SLC10A7: variants seen among roughly 807,000 people sequenced by gnomAD.
SLC10A7 encodes solute carrier family 10 member 7, also known as sodium/bile acid cotransporter 7.
A neutral mutation model predicts 43.2 loss-of-function variants in SLC10A7; 29 were observed. The ratio of observed to expected loss-of-function variants is 0.67; its 90% confidence interval spans 0.50 to 0.92. SLC10A7 has a LOEUF of 0.92. Ranked by LOEUF, SLC10A7 falls within the 40% of genes least tolerant of loss-of-function variation. The pLI is 0.00. For synonymous variants in SLC10A7, 152 were observed against 144.8 expected, an observed-to-expected ratio of 1.05 and a Z score of -0.35; for missense variants, 295 against 403.2, an observed-to-expected ratio of 0.73 and a Z score of 2.30.
chr4:146,439,255 T>C (rs1318168569), intron 5 of SLC10A7, among the ~76,000 whole-genome samples: 1 of 152,064 alleles, frequency 6.6e-6, no homozygotes, highest in Non-Finnish European at 1.5e-5. Context: ...AATAATTAGT[T>C]CCTAAAAACA....
intron 4 of SLC10A7, among the ~76,000 whole-genome samples, chr4:146,471,038 T>G (rs564549918): frequency 1.3e-5 from 2 of 152,334 alleles, no homozygotes; most frequent in South Asian, 4.1e-4. Context: ...TGATTACACA[T>G]TGAGTATCCC....
At chr4:146,277,819 C>G (rs1560755540) in intron 10 of SLC10A7, among the ~76,000 whole-genome samples, 1 of 132,708 alleles carries the variant, frequency 7.5e-6, no homozygotes, top group Admixed American at 8.1e-5. Context: ...CTCACTAGAT[C>G]TACTTTAAAT....
chr4:146,427,805 G>A (rs2149862099), intron 5 of SLC10A7, among the ~76,000 whole-genome samples: 1 of 152,274 alleles, frequency 6.6e-6, no homozygotes, highest in Non-Finnish European at 1.5e-5. Context: ...GGTAGCTACT[G>A]ATCAGGTATT....
chr4:146,319,441 G>C (rs1732544139), intron 6 of SLC10A7, among the ~76,000 whole-genome samples: 1 of 151,918 alleles, frequency 6.6e-6, no homozygotes, highest in East Asian at 1.9e-4. Flanking sequence ...TCCTAATCTA[G>C]TACTTCCTAT....
chr4:146,439,429 T>G (rs1730439496), intron 5 of SLC10A7, among the ~76,000 whole-genome samples: 1 of 152,104 alleles, frequency 6.6e-6, no homozygotes, highest in Admixed American at 6.6e-5. Flanking sequence ...TAATCTGAAA[T>G]AAATACCCTT....
intron 5 of SLC10A7, among the ~76,000 whole-genome samples, chr4:146,364,999 GTA>G (rs1380520624): frequency 2.6e-5 from 4 of 152,074 alleles, no homozygotes; most frequent in Non-Finnish European, 5.9e-5. Flanking sequence ...TCATCAGAGA[GTA>G]TCTAGTGAGA....
chr4:146,521,512 T>C, intron 1 of SLC10A7, 106 bp downstream of exon 1: 1 of 910,088 alleles, frequency 1.1e-6, no homozygotes, highest in African/African-American at 1.7e-5. Context: ...CAGTGCCCCC[T>C]GAAATTGGCA....
At chr4:146,285,230 C>T (rs1729813854) in intron 9 of SLC10A7, among the ~76,000 whole-genome samples, 1 of 152,024 alleles carries the variant, frequency 6.6e-6, no homozygotes, top group Non-Finnish European at 1.5e-5. Flanking sequence ...ATAAGTAGAT[C>T]CATTCTTAAG....
intron 6 of SLC10A7, among the ~76,000 whole-genome samples, chr4:146,324,600 T>C (rs1732976329): frequency 6.6e-6 from 1 of 152,182 alleles, no homozygotes. Context: ...TACTAGTCCC[T>C]TGACCTACTG....
intron 5 of SLC10A7, among the ~76,000 whole-genome samples, chr4:146,379,911 C>T (rs1167636312): frequency 2.0e-5 from 3 of 151,650 alleles, no homozygotes; most frequent in African/African-American, 2.4e-5. Flanking sequence ...ATTCATACTA[C>T]ACAAATATCT....
At chr4:146,326,128 A>T in intron 5 of SLC10A7, 132 bp from the exon 6 acceptor site, 1 of 686,250 alleles carries the variant, frequency 1.5e-6, no homozygotes, top group Non-Finnish European at 2.5e-6. Flanking sequence ...GGAGATAAAG[A>T]GGGGAGAGTC....
Position 146,342,031 on chromosome 4 carries a change from G to A in SLC10A7, c.436-16035C>T, listed in dbSNP as rs543410940. ...TGTAATTCCTTACAGAAAAAAAACA[G>A]TATCCACCCATTCCTCTACCCACCT... On this transcript the variant is annotated intron_variant, in intron 5 of 11. Transcript: ENST00000335472. Among the ~76,000 whole-genome samples, 3 of 151,746 alleles carry A rather than the reference G, an allele frequency of 2.0e-5. No homozygotes were observed. In the East Asian group the frequency reaches 5.8e-4, roughly 29 times the overall value.
At chr4:146,403,195 C>T (rs1412105625) in intron 5 of SLC10A7, among the ~76,000 whole-genome samples, 1 of 152,236 alleles carries the variant, frequency 6.6e-6, no homozygotes, top group Non-Finnish European at 1.5e-5. Context: ...GTTAAACTTA[C>T]CCTGCTTGGG....
At chr4:146,333,026 C>T (rs774402687) in intron 5 of SLC10A7, among the ~76,000 whole-genome samples, 1 of 152,146 alleles carries the variant, frequency 6.6e-6, no homozygotes, top group Non-Finnish European at 1.5e-5. Flanking sequence ...TACCATGTAT[C>T]CTATATTACT....
At chr4:146,402,484 C>A (rs1739288742) in intron 5 of SLC10A7, among the ~76,000 whole-genome samples, 3 of 152,154 alleles carry the variant, frequency 2.0e-5, no homozygotes, top group Admixed American at 2.0e-4. Flanking sequence ...TCAGCCCTGA[C>A]CGCCTCCTGG....
At chr4:146,268,415 T>C (rs1053938450) in intron 10 of SLC10A7, among the ~76,000 whole-genome samples, 1 of 152,200 alleles carries the variant, frequency 6.6e-6, no homozygotes, top group Non-Finnish European at 1.5e-5. Flanking sequence ...AGGAACGATC[T>C]TTCCAGTAAT....
At chr4:146,394,958 C>T (rs967039131) in intron 5 of SLC10A7, among the ~76,000 whole-genome samples, 1 of 152,170 alleles carries the variant, frequency 6.6e-6, no homozygotes, top group East Asian at 1.9e-4. Flanking sequence ...ATATTGTTCT[C>T]CAAACAACAT....
rs570684264 is a variant in SLC10A7, at chr4:146,401,017, T to C, written c.435+41766A>G. Among the ~76,000 whole-genome samples, 13 of 152,216 alleles carry C rather than the reference T, an allele frequency of 8.5e-5. No individual in the cohort carries two copies. In the South Asian group the frequency reaches 2.3e-3, roughly 27 times the overall value. ...AAAGTAACAAAGTAAAAAATGAAGA[T>C]ATCAATGAAAGAAAAGAAACTGCAA... On this transcript the variant is annotated intron_variant, in intron 5 of 11. Transcript: ENST00000335472.
At chr4:146,316,734 A>C (rs1191328177) in intron 6 of SLC10A7, among the ~76,000 whole-genome samples, 1 of 152,026 alleles carries the variant, frequency 6.6e-6, no homozygotes, top group African/African-American at 2.4e-5. Context: ...CAAGATTATA[A>C]AATTATAGAT....
Sources: gnomAD v4.1 joint callset for allele counts (sites outside exome capture counted in the v4.1 genomes callset) on GRCh38, gnomAD v4.1.1 for gene constraint, MANE v1.5 for transcripts, NCBI Gene and HGNC (gene_info 2026-07-23, HGNC 2026-07-21) for gene names.